The following USH2A variants were observed in gnomAD, a reference collection of about 807,000 sequenced individuals.
The protein encoded by USH2A is Usher syndrome 2A (autosomal recessive, mild).
USH2A carries 443 observed loss-of-function variants against 538.9 expected under a neutral mutation model. That is an observed-to-expected ratio of 0.82 (90% CI 0.76 to 0.89). The LOEUF (loss-of-function observed/expected upper bound fraction) is 0.89. USH2A is among the 40% of genes least tolerant of loss of function. The pLI is 0.00. For missense variants in USH2A, 6,633 were observed against 6,324.8 expected (o/e 1.05, Z -1.65); for synonymous variants, 2,413 against 2,273.5 (o/e 1.06, Z -1.75).
At chr1:216,161,304 GTGTT>G (rs2034054674) in intron 21 of USH2A, among the ~76,000 whole-genome samples, 1 of 151,858 alleles carries the variant, frequency 6.6e-6, no homozygotes, top group Non-Finnish European at 1.5e-5. Flanking sequence ...AGCTTAACCT[GTGTT>G]TATTTAACAT....
rs1488978750 is a variant in USH2A, at chr1:216,198,304, T to C, written c.4081+11A>G. On this transcript the variant is annotated intron_variant, in intron 18 of 71. Coordinates refer to ENST00000307340, the MANE Select transcript of USH2A (RefSeq NM_206933.4). ...GGTTTTAAAAGTAGAATTTAAAACA[T>C]TGATCTTTACCTGATTCTCCCGTTC... is the stretch of plus-strand genomic sequence containing the variant. 3.1e-6 allele frequency: 5 copies of C among 1,613,874 alleles called. No individual in the cohort carries two copies. In the South Asian group the frequency reaches 3.3e-5, roughly 11 times the overall value.
intron 11 of USH2A, among the ~76,000 whole-genome samples, chr1:216,256,764 T>C (rs1553322038): frequency 2.0e-5 from 3 of 152,010 alleles, no homozygotes; most frequent in South Asian, 2.1e-4. Context: ...TACTTTATGG[T>C]AAGAATACAG....
chr1:216,414,765 T>C (rs990182769), intron 3 of USH2A, among the ~76,000 whole-genome samples: 1 of 152,098 alleles, frequency 6.6e-6, no homozygotes, highest in Admixed American at 6.6e-5. Flanking sequence ...ATTCATCAAT[T>C]TGTGGCCATT....
intron 3 of USH2A, among the ~76,000 whole-genome samples, chr1:216,406,561 C>T (rs959488414): frequency 6.6e-6 from 1 of 152,102 alleles, no homozygotes; most frequent in Admixed American, 6.6e-5. Context: ...TCTCCAAGTT[C>T]GGTACTCCCC....
chr1:216,227,321 A>T (rs1007366434), intron 14 of USH2A, among the ~76,000 whole-genome samples: 1 of 152,230 alleles, frequency 6.6e-6, no homozygotes, highest in African/African-American at 2.4e-5. Flanking sequence ...TTTATTTTTT[A>T]AATCATGTTT....
At chr1:215,726,930 C>T (rs1305078379) in intron 61 of USH2A, among the ~76,000 whole-genome samples, 8 of 152,134 alleles carry the variant, frequency 5.3e-5, no homozygotes, top group Non-Finnish European at 8.8e-5. Context: ...TTCTTTTCCC[C>T]TTATGTGCAA....
intron 60 of USH2A, among the ~76,000 whole-genome samples, chr1:215,732,111 A>G (rs1367623930): frequency 1.3e-5 from 2 of 152,246 alleles, no homozygotes; most frequent in Non-Finnish European, 2.9e-5. Context: ...GGCATTGAAC[A>G]AGGAGGTCAT....
intron 21 of USH2A, among the ~76,000 whole-genome samples, chr1:216,098,783 A>C (rs1438685304): frequency 6.6e-6 from 1 of 152,240 alleles, no homozygotes; most frequent in Admixed American, 6.5e-5. Context: ...TAAATGGTAT[A>C]GGGATGTATA....
At chr1:215,849,851 A>C (rs1408175290) in intron 44 of USH2A, among the ~76,000 whole-genome samples, 2 of 152,204 alleles carry the variant, frequency 1.3e-5, no homozygotes, top group Admixed American at 1.3e-4. Flanking sequence ...TTTTATACAC[A>C]TTTAAATGGT....
intron 61 of USH2A, among the ~76,000 whole-genome samples, chr1:215,726,843 A>G (rs1659833107): frequency 6.6e-6 from 1 of 152,184 alleles, no homozygotes; most frequent in South Asian, 2.1e-4. Flanking sequence ...ACTGTGGTTT[A>G]AAGCTAGTAG....
intron 11 of USH2A, among the ~76,000 whole-genome samples, chr1:216,277,490 G>A (rs896269964): frequency 2.6e-5 from 4 of 152,078 alleles, no homozygotes; most frequent in Non-Finnish European, 5.9e-5. Flanking sequence ...GATGCTCATG[G>A]GGTACTCTAT....
At chr1:216,260,534 A>T (rs1165732909) in intron 11 of USH2A, among the ~76,000 whole-genome samples, 1 of 152,168 alleles carries the variant, frequency 6.6e-6, no homozygotes, top group Non-Finnish European at 1.5e-5. Context: ...ATTCTGCTAA[A>T]CATCCTGCAA....
chr1:216,000,042 T>A (rs1219660894), intron 33 of USH2A, among the ~76,000 whole-genome samples: 1 of 152,090 alleles, frequency 6.6e-6, no homozygotes, highest in African/African-American at 2.4e-5. Flanking sequence ...CTGCAGGTAA[T>A]AAGGGAATAA....
chr1:215,773,476 G>GTCTTTCTGTC, intron 55 of USH2A, among the ~76,000 whole-genome samples: 1 of 120,728 alleles, frequency 8.3e-6, no homozygotes, highest in African/African-American at 4.3e-5. Context: ...CTTTACGGAT[G>GTCTTTCTGTC]TCTCTCTGTC....
At chr1:215,921,487 T>A (rs955745278) in intron 38 of USH2A, among the ~76,000 whole-genome samples, 2 of 152,168 alleles carry the variant, frequency 1.3e-5, no homozygotes, top group African/African-American at 4.8e-5. Flanking sequence ...TTTAAAAACC[T>A]ACTAGTTCAA....
At chr1:215,790,889 C>T (rs1415117235) in intron 50 of USH2A, among the ~76,000 whole-genome samples, 1 of 152,210 alleles carries the variant, frequency 6.6e-6, no homozygotes, top group African/African-American at 2.4e-5. Flanking sequence ...AGCATGTTCA[C>T]TGATCAGGTG....
intron 11 of USH2A, among the ~76,000 whole-genome samples, chr1:216,254,465 T>C (rs555663068): frequency 6.2e-4 from 94 of 152,272 alleles, no homozygotes; most frequent in African/African-American, 2.1e-3. Flanking sequence ...ACAATAACTC[T>C]AGATTGACCT....
chr1:215,975,479 T>C (rs943607985), intron 35 of USH2A, among the ~76,000 whole-genome samples: 1 of 152,166 alleles, frequency 6.6e-6, no homozygotes, highest in Non-Finnish European at 1.5e-5. Context: ...CTTTAATCCA[T>C]CTTGAGCTAG....
intron 48 of USH2A, among the ~76,000 whole-genome samples, chr1:215,816,088 G>A (rs1662851690): frequency 6.6e-6 from 1 of 152,052 alleles, no homozygotes; most frequent in African/African-American, 2.4e-5. Context: ...TTTTTCTTAA[G>A]TGGAGGATAT....
Sources: gnomAD v4.1 joint callset for allele counts (sites outside exome capture counted in the v4.1 genomes callset) on GRCh38, gnomAD v4.1.1 for gene constraint, MANE v1.5 for transcripts, NCBI Gene and HGNC (gene_info 2026-07-23, HGNC 2026-07-21) for gene names.